Variants in PDE2A observed in about 807,000 individuals in gnomAD.
PDE2A encodes the protein cGMP-dependent 3',5'-cyclic phosphodiesterase.
PDE2A carries 53 observed loss-of-function variants against 133.6 expected under a neutral mutation model. That is an observed-to-expected ratio of 0.40 (90% CI 0.32 to 0.50). PDE2A has a LOEUF of 0.50. Ranked by LOEUF, PDE2A falls within the 20% of genes least tolerant of loss-of-function variation. PDE2A has a pLI of 0.73. For synonymous variants in PDE2A, 491 were observed against 490.2 expected, an observed-to-expected ratio of 1.00 and a Z score of -0.02; for missense variants, 796 against 1,232.4, an observed-to-expected ratio of 0.65 and a Z score of 5.30.
chr11:72,599,955 C>T (rs1256705877), intron 4 of PDE2A, among the ~76,000 whole-genome samples: 1 of 152,194 alleles, frequency 6.6e-6, no homozygotes, highest in Non-Finnish European at 1.5e-5. Flanking sequence ...TAGAGGGAGA[C>T]ATCTGAGTTG....
chr11:72,669,509 C>A (rs1400217345), intron 1 of PDE2A, among the ~76,000 whole-genome samples: 1 of 152,100 alleles, frequency 6.6e-6, no homozygotes, highest in African/African-American at 2.4e-5. Flanking sequence ...TGTGTGAAAA[C>A]ATTTCTGTTA....
At chr11:72,646,743 T>G (rs1409088369) in intron 1 of PDE2A, among the ~76,000 whole-genome samples, 1 of 152,188 alleles carries the variant, frequency 6.6e-6, no homozygotes, top group African/African-American at 2.4e-5. Flanking sequence ...ACCCTGAACC[T>G]CTGGCTTTTC....
At chr11:72,618,329 G>A (rs1857579505) in intron 2 of PDE2A, among the ~76,000 whole-genome samples, 1 of 152,186 alleles carries the variant, frequency 6.6e-6, no homozygotes. Context: ...CTGCACTGTG[G>A]TGTCCTCTCT....
intron 2 of PDE2A, among the ~76,000 whole-genome samples, chr11:72,638,871 T>C (rs2135431469): frequency 6.6e-6 from 1 of 152,360 alleles, no homozygotes; most frequent in South Asian, 2.1e-4. Context: ...CCAGACAGTG[T>C]TGCCTGGGGA....
At chr11:72,617,747 G>A (rs1857543869) in intron 2 of PDE2A, among the ~76,000 whole-genome samples, 1 of 152,200 alleles carries the variant, frequency 6.6e-6, no homozygotes, top group South Asian at 2.1e-4. Flanking sequence ...GGCTGGCTGG[G>A]GAAGCCCCTG....
chr11:72,629,331 C>T (rs542367485), intron 2 of PDE2A, among the ~76,000 whole-genome samples: 1 of 152,328 alleles, frequency 6.6e-6, no homozygotes, highest in East Asian at 1.9e-4. Flanking sequence ...TACTCCTTCC[C>T]TCAGGGCACA....
In PDE2A at chr11:72,578,890, C is replaced by G. The variant is rs369099450; in HGVS notation, c.2469+7G>C. ...GCCTGTGCCTTCCCAGGGAGGACTA[C>G]ACCTACCGCGATCTTTCTCGTAGTC... On this transcript the variant is annotated splice_region_variant and intron_variant, in intron 28 of 30. Transcript: ENST00000334456. This position sits in a 1 kb window ranked among gnomAD's most constrained non-coding sequence, Gnocchi z 4.2. The G allele has an allele frequency of 1.7e-4, 263 of 1,588,692 alleles. No individual in the cohort carries two copies. Among genetic ancestry groups the G allele is most frequent in the Non-Finnish European group, 4.1e-5 (47 of 1,157,182 alleles).
In PDE2A at chr11:72,584,186, CAA is replaced by C; in HGVS notation, c.1650+13_1650+14del. On this transcript the variant is annotated intron_variant, in intron 19 of 30. Coordinates refer to ENST00000334456, the MANE Select transcript of PDE2A (RefSeq NM_002599.5). ...CCCCTATCACCCCACACCCCACTCC[CAA>C]CCCCGCCCTCACATGGGCGATGCTG... 6.9e-7 allele frequency: 1 copy of C among 1,441,920 alleles called. No individual in the cohort carries two copies. The highest frequency in any genetic ancestry group is 9.7e-7 in the Non-Finnish European group (1 of 1,027,758). 89.3% of individuals were successfully genotyped at this position (1,441,920 alleles called of 1,614,324 possible).
Position 72,590,503 on chromosome 11 carries a change from G to A in PDE2A, c.627C>T (p.Pro209=). The A allele has an allele frequency of 6.6e-7, 1 of 1,511,006 alleles. No homozygotes were observed. Among genetic ancestry groups the A allele is most frequent in the Non-Finnish European group, 8.8e-7 (1 of 1,134,346 alleles). The allele number at this position is 1,511,006 out of a possible 1,614,324, so 93.6% of individuals were successfully genotyped here. A position where few individuals can be genotyped will look rare whatever the true frequency, so the allele number is the denominator to read the frequency against. The change falls in exon 8 of 31, where the codon CCC becomes CCT. Residue 209 remains proline, a synonymous_variant. Transcript: ENST00000334456. This position sits in a 1 kb window ranked among gnomAD's most constrained non-coding sequence, Gnocchi z 4.8. ...TCTGGTCTTCCGCCGTCCCCTCCGGGGGGTTCTGGACGGCTCGGGGAGCCT... is the reference window on the plus strand; with the variant it reads ...TCTGGTCTTCCGCCGTCCCCTCCGGAGGGTTCTGGACGGCTCGGGGAGCCT... ...PREAPRAVQN[P]PEGTAEDQKG...
chr11:72,673,995 G>A, intron 1 of PDE2A, 142 bp downstream of exon 1: 1 of 786,684 alleles, frequency 1.3e-6, no homozygotes. Context: ...GCAACGCGGG[G>A]AGGAGGGGTG....
At chr11:72,585,962 G>C in intron 14 of PDE2A, 108 bp downstream of exon 14, 1 of 725,642 alleles carries the variant, frequency 1.4e-6, no homozygotes, top group Non-Finnish European at 2.5e-6. Context: ...ACCTGGGGAA[G>C]GGCTGCCACC....
At chr11:72,633,834 T>C (rs1858544811) in intron 2 of PDE2A, among the ~76,000 whole-genome samples, 1 of 152,140 alleles carries the variant, frequency 6.6e-6, no homozygotes, top group Admixed American at 6.5e-5. Flanking sequence ...CGCATTTCTG[T>C]AGGTGCCTGT....
At chr11:72,629,738 C>T (rs1053179272) in intron 2 of PDE2A, among the ~76,000 whole-genome samples, 5 of 152,124 alleles carry the variant, frequency 3.3e-5, no homozygotes, top group Non-Finnish European at 7.4e-5. Flanking sequence ...GAGTGAGCCT[C>T]GAGCCTGAGA....
chr11:72,583,496 AC>A lies in PDE2A; in HGVS notation c.1669del (p.Val557Ter). ...GTGGCTGCGATACTGAGCCTCATTC[AC>A]TTTTTTGTATAGGAGAGACTAGGGG... ...SIAHSLLYKK[V>X]NEAQYRSHLA... On this transcript the variant is annotated frameshift_variant, in exon 20 of 31. Coordinates refer to ENST00000334456, the MANE Select transcript of PDE2A (RefSeq NM_002599.5). LOFTEE classifies it high-confidence loss of function. 1 of 1,611,400 alleles carries A rather than the reference AC, an allele frequency of 6.2e-7. No individual in the cohort carries two copies. Among genetic ancestry groups the A allele is most frequent in the Non-Finnish European group, 8.5e-7 (1 of 1,177,580 alleles).
At chr11:72,628,994 C>G (rs1334381893) in intron 2 of PDE2A, among the ~76,000 whole-genome samples, 4 of 152,190 alleles carry the variant, frequency 2.6e-5, no homozygotes, top group Non-Finnish European at 5.9e-5. Flanking sequence ...CTGGCAGGAC[C>G]CAGAAATCCA....
chr11:72,617,123 G>A (rs1857513729), intron 2 of PDE2A, among the ~76,000 whole-genome samples: 2 of 152,250 alleles, frequency 1.3e-5, no homozygotes, highest in South Asian at 2.1e-4. Context: ...GCCTTGGCCA[G>A]GGGATGGGCT....
At chr11:72,589,100 A>G in intron 12 of PDE2A, 75 bp downstream of exon 12, 1 of 1,389,636 alleles carries the variant, frequency 7.2e-7, no homozygotes. Flanking sequence ...GCTGCTCTGT[A>G]ACAGAGACCC....
chr11:72,601,799 C>T (rs1431113444), intron 4 of PDE2A, among the ~76,000 whole-genome samples: 5 of 152,184 alleles, frequency 3.3e-5, no homozygotes, highest in African/African-American at 9.7e-5. Flanking sequence ...AGGATTCTCT[C>T]CTCTCCAGCC....
intron 1 of PDE2A, among the ~76,000 whole-genome samples, chr11:72,650,476 C>T (rs1303280895): frequency 6.6e-6 from 1 of 152,146 alleles, no homozygotes; most frequent in Non-Finnish European, 1.5e-5. Context: ...ATCCCCAGCC[C>T]CTTCACTGAT....
Sources: gnomAD v4.1 joint callset for allele counts (sites outside exome capture counted in the v4.1 genomes callset) on GRCh38, gnomAD v4.1.1 for gene constraint, Gnocchi (gnomAD v3.1) non-coding constraint, MANE v1.5 for transcripts, NCBI Gene and HGNC (gene_info 2026-07-23, HGNC 2026-07-21) for gene names.